Variants in ALK observed in about 807,000 individuals in gnomAD.
ALK encodes the protein ALK receptor tyrosine kinase, also known as ALK tyrosine kinase receptor.
Under a neutral mutation model 163.1 loss-of-function variants are expected in ALK, and 74 were observed. The observed-to-expected ratio is 0.45, with a 90% CI of 0.38 to 0.55. ALK has a LOEUF of 0.55. Ranked by LOEUF, ALK falls within the 20% of genes least tolerant of loss-of-function variation. The pLI, the probability that ALK is intolerant of heterozygous loss-of-function variation, is 0.00. For missense variants in ALK, 2,063 were observed against 2,105.3 expected (o/e 0.98, Z 0.39); for synonymous variants, 960 against 843.2 (o/e 1.14, Z -2.40).
At chr2:29,354,897 G>C (rs962460121) in intron 5 of ALK, among the ~76,000 whole-genome samples, 1 of 151,690 alleles carries the variant, frequency 6.6e-6, no homozygotes, top group African/African-American at 2.4e-5. Context: ...CTCCCAAGTA[G>C]CTAGGACTAC....
intron 3 of ALK, among the ~76,000 whole-genome samples, chr2:29,550,011 C>A (rs1367089081): frequency 6.6e-6 from 1 of 152,120 alleles, no homozygotes; most frequent in Non-Finnish European, 1.5e-5. Context: ...CAATTCAGGT[C>A]CCTTTACAAA....
intron 3 of ALK, among the ~76,000 whole-genome samples, chr2:29,592,533 G>A (rs1373106328): frequency 6.6e-6 from 1 of 152,164 alleles, no homozygotes; most frequent in Non-Finnish European, 1.5e-5. Context: ...GAGGGATGCT[G>A]GAGGCCACAA....
At chr2:29,681,781 A>C in intron 3 of ALK, among the ~76,000 whole-genome samples, 1 of 134,064 alleles carries the variant, frequency 7.5e-6, no homozygotes, top group Admixed American at 8.2e-5. Flanking sequence ...CCTCAACCTC[A>C]TCTTTATTTC....
chr2:29,318,384 T>C lies in ALK; in HGVS notation c.1567A>G (p.Thr523Ala). The change falls in exon 8 of 29, where the codon ACC becomes GCC. Residue 523 changes from threonine (T) to alanine (A), a missense_variant. Transcript: ENST00000389048. ...DHQDHALLLS[T>A]TDVPASESAT... ...CTTTCAGAAGCGGGGACATCAGTGG[T>C]ACTGAGCAATAGAGCATGGTCTAGG... 6.2e-7 allele frequency: 1 copy of C among 1,613,306 alleles called. No individual in the cohort carries two copies. Among genetic ancestry groups the C allele is most frequent in the Non-Finnish European group, 8.5e-7 (1 of 1,179,312 alleles).
At chr2:29,844,406 G>A (rs778284450) in intron 1 of ALK, among the ~76,000 whole-genome samples, 1 of 152,134 alleles carries the variant, frequency 6.6e-6, no homozygotes, top group South Asian at 2.1e-4. Context: ...TAAGAGCAAG[G>A]TGAGACAATG....
intron 3 of ALK, among the ~76,000 whole-genome samples, chr2:29,653,879 T>A (rs764039664): frequency 2.0e-5 from 3 of 152,008 alleles, no homozygotes; most frequent in African/African-American, 4.8e-5. Context: ...CTGTCCAACA[T>A]GGCAAAACCC....
At chr2:29,431,121 C>T (rs1358732840) in intron 4 of ALK, among the ~76,000 whole-genome samples, 1 of 151,388 alleles carries the variant, frequency 6.6e-6, no homozygotes, top group Non-Finnish European at 1.5e-5. Context: ...CTAAGAGCTA[C>T]AAAGGACAAC....
chr2:29,910,365 C>T (rs1378609858), intron 1 of ALK, among the ~76,000 whole-genome samples: 1 of 151,608 alleles, frequency 6.6e-6, no homozygotes, highest in African/African-American at 2.4e-5. Context: ...ATGAACAGAC[C>T]CTTAATAAAG....
At chr2:29,579,944 T>C (rs982176813) in intron 3 of ALK, among the ~76,000 whole-genome samples, 1 of 152,184 alleles carries the variant, frequency 6.6e-6, no homozygotes, top group African/African-American at 2.4e-5. Flanking sequence ...TCCATTATTC[T>C]GTGATTTATG....
intron 4 of ALK, among the ~76,000 whole-genome samples, chr2:29,455,966 A>G (rs1243912363): frequency 6.6e-6 from 1 of 152,174 alleles, no homozygotes. Context: ...GAGGCCAAAG[A>G]GCTCTAGATT....
Position 29,864,288 on chromosome 2 carries a change from G to A in ALK, c.667+55705C>T, listed in dbSNP as rs577415331. Among the ~76,000 whole-genome samples, 13 of 152,234 alleles carry A rather than the reference G, an allele frequency of 8.5e-5. No individual in the cohort carries two copies. The East Asian group carries it at 1.2e-3, about 14-fold the overall frequency. Reference sequence around the variant, plus strand: ...GAACACAGCCAGTTTATCCTGCCTCGGGTCTTTGCCCAAACCACTTCTCAT... The same window carrying A: ...GAACACAGCCAGTTTATCCTGCCTCAGGTCTTTGCCCAAACCACTTCTCAT... On this transcript the variant is annotated intron_variant, in intron 1 of 28. Coordinates refer to ENST00000389048, the MANE Select transcript of ALK (RefSeq NM_004304.5).
At chr2:29,906,956 T>G (rs1459121102) in intron 1 of ALK, among the ~76,000 whole-genome samples, 7 of 142,754 alleles carry the variant, frequency 4.9e-5, no homozygotes, top group Non-Finnish European at 1.1e-4. Flanking sequence ...TTTTTTTTTT[T>G]TTTTTTTTTT....
At chr2:29,699,145 A>T (rs1215915626) in intron 2 of ALK, among the ~76,000 whole-genome samples, 4 of 152,174 alleles carry the variant, frequency 2.6e-5, no homozygotes, top group Non-Finnish European at 4.4e-5. Flanking sequence ...GGAGGGATTC[A>T]GAGGGGTCTA....
chr2:29,311,551 G>A (rs1417800766), intron 8 of ALK, among the ~76,000 whole-genome samples: 1 of 152,196 alleles, frequency 6.6e-6, no homozygotes, highest in Non-Finnish European at 1.5e-5. Flanking sequence ...TAAAAAAAGG[G>A]GTTTGTAAAA....
intron 8 of ALK, among the ~76,000 whole-genome samples, chr2:29,313,679 G>T (rs183803185): frequency 6.6e-6 from 1 of 152,214 alleles, no homozygotes; most frequent in East Asian, 1.9e-4. Context: ...TATTAGCTGT[G>T]GGTCTTGAGG....
intron 1 of ALK, among the ~76,000 whole-genome samples, chr2:29,915,091 C>T (rs545861430): frequency 2.8e-4 from 43 of 152,238 alleles, no homozygotes; most frequent in Non-Finnish European, 4.4e-4. Flanking sequence ...GGCAAAATTT[C>T]CTTTACAGGT....
intron 8 of ALK, among the ~76,000 whole-genome samples, chr2:29,310,352 T>G (rs1460494104): frequency 3.9e-5 from 6 of 152,180 alleles, no homozygotes; most frequent in Non-Finnish European, 8.8e-5. Context: ...AGTGCCAGCC[T>G]TATACTAGGG....
At chr2:29,663,500 C>T (rs905860493) in intron 3 of ALK, among the ~76,000 whole-genome samples, 5 of 152,106 alleles carry the variant, frequency 3.3e-5, no homozygotes, top group African/African-American at 9.7e-5. Context: ...AAGAGTACAA[C>T]CAGTGATGGC....
At chr2:29,278,651 CT>C (rs1665606238) in intron 9 of ALK, among the ~76,000 whole-genome samples, 1 of 152,220 alleles carries the variant, frequency 6.6e-6, no homozygotes, top group Non-Finnish European at 1.5e-5. Context: ...GGCCCTAATA[CT>C]GCTGTCTTGT....
Sources: gnomAD v4.1 joint callset for allele counts (sites outside exome capture counted in the v4.1 genomes callset) on GRCh38, gnomAD v4.1.1 for gene constraint, MANE v1.5 for transcripts, NCBI Gene and HGNC (gene_info 2026-07-23, HGNC 2026-07-21) for gene names.